The following MRPL57 variants were observed in gnomAD, a reference collection of about 807,000 sequenced individuals.
MRPL57 encodes mitochondrial ribosomal protein L57.
MRPL57 carries 1 observed loss-of-function variant against 1.3 expected under a neutral mutation model. The observed-to-expected ratio is 0.79, with a 90% CI of 0.28 to 3.75. The LOEUF (loss-of-function observed/expected upper bound fraction) is 3.75. Among genes scored for constraint, MRPL57 ranks in the 30% most tolerant of loss-of-function variants. The probability of loss-of-function intolerance (pLI) is 0.19; values close to 1 mark genes in which losing one functional copy is unlikely to be tolerated. For synonymous variants in MRPL57, 79 were observed against 61.7 expected (o/e 1.28, Z -1.31); for missense variants, 170 against 148.9 (o/e 1.14, Z -0.74).
rs771961974 is a variant in MRPL57, at chr13:21,177,105, C to G, written c.189C>G (p.Ala63=). The G allele has an allele frequency of 1.2e-6, 2 of 1,613,912 alleles. No individual in the cohort carries two copies. The highest frequency in any genetic ancestry group is 1.7e-6 in the Non-Finnish European group (2 of 1,180,036). ...YMTREQERGH[A]AVRRREAFEA... is the part of the protein sequence containing the mutation. ...CCCGGGAGCAGGAGCGCGGCCACGC[C>G]GCGGTGCGCAGGAGGGAGGCCTTCG... is the stretch of plus-strand genomic sequence containing the variant. Residue 63 remains alanine (A), a synonymous_variant, in exon 2 of 2, where the codon GCC becomes GCG. Transcript: ENST00000309594.
In MRPL57 at chr13:21,178,744, A is replaced by T. The variant is rs1417850309; in HGVS notation, c.*1519A>T. The T allele has an allele frequency of 6.5e-6, 1 of 152,732 alleles. No individual in the cohort carries two copies. Among genetic ancestry groups the T allele is most frequent in the East Asian group, 1.9e-4 (1 of 5,178 alleles). 9.5% of individuals were successfully genotyped at this position (152,732 alleles called of 1,614,324 possible). A position where few individuals can be genotyped will look rare whatever the true frequency, so the allele number is the denominator to read the frequency against. On this transcript the variant is annotated 3_prime_UTR_variant, in exon 2 of 2. Transcript: ENST00000309594. ...GCCAAGGTGGGCGGATCACAAGGTCAGGAGTTCGAGACCAGCCTGGCCAAT... is the reference window on the plus strand; with the variant it reads ...GCCAAGGTGGGCGGATCACAAGGTCTGGAGTTCGAGACCAGCCTGGCCAAT...
rs968484587 is a variant in MRPL57 at position 21,177,328 on chromosome 13, C to T, written c.*103C>T. The T allele has an allele frequency of 8.1e-7, 1 of 1,229,070 alleles. No homozygotes were observed. The highest frequency in any genetic ancestry group is 1.2e-6 in the Non-Finnish European group (1 of 869,086). 76.1% of individuals were successfully genotyped at this position (1,229,070 alleles called of 1,614,324 possible). On this transcript the variant is annotated 3_prime_UTR_variant, in exon 2 of 2. Coordinates refer to ENST00000309594, the MANE Select transcript of MRPL57 (RefSeq NM_024026.5). ...GCTTGTGTGAAAATGAGCCTTTGGA[C>T]CAGTCTTTATTAAAACAAACAAACA...
chr13:21,178,694 G>A lies in MRPL57; in HGVS notation c.*1469G>A, dbSNP rs1186211238. 3.9e-5 allele frequency: 6 copies of A among 152,798 alleles called. No individual in the cohort carries two copies. The highest frequency in any genetic ancestry group is 1.2e-4 in the African/African-American group (5 of 41,404). The allele number at this position is 152,798 out of a possible 1,614,324, so 9.5% of individuals were successfully genotyped here. On this transcript the variant is annotated 3_prime_UTR_variant, in exon 2 of 2. Coordinates refer to ENST00000309594, the MANE Select transcript of MRPL57 (RefSeq NM_024026.5). ...AAATTAGCCGGGCGTGGTGGCTTAC[G>A]CCTGTAATCCCAGCACTTTGGGAGG...
chr13:21,177,182 C>G lies in MRPL57; in HGVS notation c.266C>G (p.Ala89Gly). The G allele has an allele frequency of 6.2e-7, 1 of 1,614,114 alleles. No individual in the cohort carries two copies. The highest frequency in any genetic ancestry group is 8.5e-7 in the Non-Finnish European group (1 of 1,180,036). Residue 89 changes from alanine to glycine, a missense_variant, in exon 2 of 2, where the codon GCG becomes GGG. Ala to Gly is a moderately conservative substitution (Grantham distance 60, BLOSUM62 0). Transcript: ENST00000309594. ...AAGTTCCCCCCGCATAGATTCATTG[C>G]GGACCAGCTCGACCATCTCAATGTC... ...TSKFPPHRFIADQLDHLNVTK... is the reference protein window; with the variant it reads ...TSKFPPHRFIGDQLDHLNVTK...
At position 21,178,539 on chromosome 13, in the gene MRPL57, AG is replaced by A. The variant is rs1871709072; in HGVS notation, c.*1316del. On this transcript the variant is annotated 3_prime_UTR_variant, in exon 2 of 2. Coordinates refer to ENST00000309594, the MANE Select transcript of MRPL57 (RefSeq NM_024026.5). ...GAACTTTGTCAAAGTTGTATGGCTGAGGCCCACACGGTGGCTCACTTCTGTA... is the reference window on the plus strand; with the variant it reads ...GAACTTTGTCAAAGTTGTATGGCTGAGCCCACACGGTGGCTCACTTCTGTA... 1 of 166,686 alleles carries A rather than the reference AG, an allele frequency of 6.0e-6. No homozygotes were observed. Among genetic ancestry groups the A allele is most frequent in the East Asian group, 1.9e-4 (1 of 5,138 alleles). The allele number at this position is 166,686 out of a possible 1,614,324, so 10.3% of individuals were successfully genotyped here.
At position 21,177,494 on chromosome 13, in the gene MRPL57, T is replaced by TA; in HGVS notation, c.*272dup. On this transcript the variant is annotated 3_prime_UTR_variant, in exon 2 of 2. Coordinates refer to ENST00000309594, the MANE Select transcript of MRPL57 (RefSeq NM_024026.5). ...ATGATATTTTGAAGGAAAGCTGCAA[T>TA]AAAGCCACAATGATTTGAGGTCTTT... 1 of 494,638 alleles carries TA rather than the reference T, an allele frequency of 2.0e-6. No individual in the cohort carries two copies. Among genetic ancestry groups the TA allele is most frequent in the Non-Finnish European group, 3.7e-6 (1 of 272,286 alleles). 30.6% of individuals were successfully genotyped at this position (494,638 alleles called of 1,614,324 possible). A position where few individuals can be genotyped will look rare whatever the true frequency, so the allele number is the denominator to read the frequency against.
chr13:21,177,867 G>A lies in MRPL57; in HGVS notation c.*642G>A. 1 of 161,540 alleles carries A rather than the reference G, an allele frequency of 6.2e-6. No individual in the cohort carries two copies. The allele number at this position is 161,540 out of a possible 1,614,324, so 10.0% of individuals were successfully genotyped here. A position where few individuals can be genotyped will look rare whatever the true frequency, so the allele number is the denominator to read the frequency against. ...GCTTGCAATCCCAGCTACTTGGGACGCTGAGGTGGGAGGATCGCCTGAACC... is the reference window on the plus strand; with the variant it reads ...GCTTGCAATCCCAGCTACTTGGGACACTGAGGTGGGAGGATCGCCTGAACC... On this transcript the variant is annotated 3_prime_UTR_variant, in exon 2 of 2. Transcript: ENST00000309594.
Position 21,177,005 on chromosome 13 carries a change from G to C in MRPL57, c.89G>C (p.Arg30Pro). 6 of 1,612,710 alleles carry C rather than the reference G, an allele frequency of 3.7e-6. No individual in the cohort carries two copies. The highest frequency in any genetic ancestry group is 5.1e-6 in the Non-Finnish European group (6 of 1,179,956). The change falls in exon 2 of 2, where the codon CGC (arginine) becomes CCC (proline). Residue 30 changes from arginine to proline, a missense_variant. Transcript: ENST00000309594. The part of the protein sequence containing the change: ...KHRRPRFVSL[R>P]AKQNMIRRLE... ...CGGCGGCCGCGGTTCGTGTCGTTGC[G>C]CGCCAAGCAGAACATGATCCGCCGC... is the stretch of plus-strand genomic sequence containing the variant.
In MRPL57 at chr13:21,177,586, C is replaced by G; in HGVS notation, c.*361C>G. 1 of 234,850 alleles carries G rather than the reference C, an allele frequency of 4.3e-6. No individual in the cohort carries two copies. The highest frequency in any genetic ancestry group is 8.9e-6 in the Non-Finnish European group (1 of 112,898). 14.5% of individuals were successfully genotyped at this position (234,850 alleles called of 1,614,324 possible). The stretch of plus-strand genomic sequence containing the variant: ...ATTAGTTTGCTTACCTTAAGAATTG[C>G]CCAAAAATGAAAGAAAATATGAGCT... On this transcript the variant is annotated 3_prime_UTR_variant, in exon 2 of 2. Coordinates refer to ENST00000309594, the MANE Select transcript of MRPL57 (RefSeq NM_024026.5).
chr13:21,176,681 C>T lies in MRPL57; in HGVS notation c.-42C>T, dbSNP rs1044136288. The T allele has an allele frequency of 4.5e-6, 3 of 665,956 alleles. No homozygotes were observed. Among genetic ancestry groups the T allele is most frequent in the East Asian group, 3.0e-5 (1 of 33,196 alleles). The allele number at this position is 665,956 out of a possible 1,614,324, so 41.3% of individuals were successfully genotyped here. A position where few individuals can be genotyped will look rare whatever the true frequency, so the allele number is the denominator to read the frequency against. Reference sequence around the variant, plus strand: ...GCGCTTACGCCACGGCGTCTGCTGGCGGCCGCGGAGACGCAGAGTCTTGAG... The same window carrying T: ...GCGCTTACGCCACGGCGTCTGCTGGTGGCCGCGGAGACGCAGAGTCTTGAG... On this transcript the variant is annotated 5_prime_UTR_variant, in exon 1 of 2. Transcript: ENST00000309594.
rs547217473 is a variant in MRPL57 at position 21,177,106 on chromosome 13, G to T, written c.190G>T (p.Ala64Ser). Residue 64 changes from alanine to serine, a missense_variant, in exon 2 of 2, where the codon GCG becomes TCG. Physicochemically the swap from Ala to Ser is moderately conservative, Grantham distance 99. Transcript: ENST00000309594. ...MTREQERGHA[A>S]VRRREAFEAI... Reference sequence around the variant, plus strand: ...CCGGGAGCAGGAGCGCGGCCACGCCGCGGTGCGCAGGAGGGAGGCCTTCGA... The same window carrying T: ...CCGGGAGCAGGAGCGCGGCCACGCCTCGGTGCGCAGGAGGGAGGCCTTCGA... The T allele has an allele frequency of 6.2e-7, 1 of 1,613,904 alleles. No individual in the cohort carries two copies. Among genetic ancestry groups the T allele is most frequent in the African/African-American group, 1.3e-5 (1 of 75,062 alleles).
rs1438801356 is a variant in MRPL57 at position 21,177,180 on chromosome 13, T to G, written c.264T>G (p.Ile88Met). The G allele has an allele frequency of 6.2e-7, 1 of 1,614,040 alleles. No homozygotes were observed. Among genetic ancestry groups the G allele is most frequent in the African/African-American group, 1.3e-5 (1 of 74,948 alleles). The change falls in exon 2 of 2, where the codon ATT becomes ATG. Residue 88 changes from isoleucine (I) to methionine (M), a missense_variant. Coordinates refer to ENST00000309594, the MANE Select transcript of MRPL57 (RefSeq NM_024026.5). ...CCAAGTTCCCCCCGCATAGATTCAT[T>G]GCGGACCAGCTCGACCATCTCAATG... ...ATSKFPPHRF[I>M]ADQLDHLNVT...
rs930327844 is a variant in MRPL57 at position 21,177,534 on chromosome 13, T to C, written c.*309T>C. The C allele has an allele frequency of 2.4e-5, 9 of 379,862 alleles. No individual in the cohort carries two copies. The highest frequency in any genetic ancestry group is 1.5e-4 in the African/African-American group (7 of 46,416). The allele number at this position is 379,862 out of a possible 1,614,324, so 23.5% of individuals were successfully genotyped here. A position where few individuals can be genotyped will look rare whatever the true frequency, so the allele number is the denominator to read the frequency against. On this transcript the variant is annotated 3_prime_UTR_variant, in exon 2 of 2. Coordinates refer to ENST00000309594, the MANE Select transcript of MRPL57 (RefSeq NM_024026.5). Reference sequence around the variant, plus strand: ...TTGAGGTCTTTGCTTAAGTATGAGATACTTGATGGGGGCTTTATCATGCAA... The same window carrying C: ...TTGAGGTCTTTGCTTAAGTATGAGACACTTGATGGGGGCTTTATCATGCAA...
Position 21,177,321 on chromosome 13 carries a change from C to T in MRPL57, c.*96C>T. ...AACTGTAGCTTGTGTGAAAATGAGCCTTTGGACCAGTCTTTATTAAAACAA... is the reference window on the plus strand; with the variant it reads ...AACTGTAGCTTGTGTGAAAATGAGCTTTTGGACCAGTCTTTATTAAAACAA... On this transcript the variant is annotated 3_prime_UTR_variant, in exon 2 of 2. Transcript: ENST00000309594. 3.1e-6 allele frequency: 4 copies of T among 1,293,650 alleles called. No individual in the cohort carries two copies. The highest frequency in any genetic ancestry group is 4.3e-6 in the Non-Finnish European group (4 of 923,828). 80.1% of individuals were successfully genotyped at this position (1,293,650 alleles called of 1,614,324 possible). A position where few individuals can be genotyped will look rare whatever the true frequency, so the allele number is the denominator to read the frequency against.
chr13:21,177,420 C>T lies in MRPL57; in HGVS notation c.*195C>T, dbSNP rs1486656429. On this transcript the variant is annotated 3_prime_UTR_variant, in exon 2 of 2. Transcript: ENST00000309594. ...AATACTTAAAAGTCTAATTGCTGTC[C>T]TGTGGTTTCATTAGTCTGATAGGAA... is the stretch of plus-strand genomic sequence containing the variant. 9.7e-6 allele frequency: 6 copies of T among 621,754 alleles called. No individual in the cohort carries two copies. The highest frequency in any genetic ancestry group is 1.7e-5 in the Non-Finnish European group (6 of 351,670). 38.5% of individuals were successfully genotyped at this position (621,754 alleles called of 1,614,324 possible).
rs202210527 is a variant in MRPL57 at position 21,176,909 on chromosome 13, C to G, written c.-5-3C>G. On this transcript the variant is annotated splice_polypyrimidine_tract_variant and splice_region_variant and intron_variant, in intron 1 of 1. Transcript: ENST00000309594. ...CCGCAAAGCCCGTCCCTCTCTTCCG[C>G]AGGCACCATGTTCCTGACTGCGCTC... is the stretch of plus-strand genomic sequence containing the variant. 627 of 1,603,530 alleles carry G rather than the reference C, an allele frequency of 3.9e-4. 3 individuals are homozygous for G. The African/African-American group carries it at 7.0e-3, about 18-fold the overall frequency.
In MRPL57 at chr13:21,176,735, T is replaced by C. The variant is rs1321552359; in HGVS notation, c.-6+18T>C. On this transcript the variant is annotated intron_variant, in intron 1 of 1. Transcript: ENST00000309594. The stretch of plus-strand genomic sequence containing the variant: ...CGCGGCAGGTGAGTAGCTGTGCGAA[T>C]TCGGTTCTCTAGGGAGCTCCTTCTT... 1 of 698,260 alleles carries C rather than the reference T, an allele frequency of 1.4e-6. No individual in the cohort carries two copies. The highest frequency in any genetic ancestry group is 1.9e-5 in the South Asian group (1 of 51,636). 43.3% of individuals were successfully genotyped at this position (698,260 alleles called of 1,614,324 possible).
Position 21,177,383 on chromosome 13 carries a change from C to G in MRPL57, c.*158C>G, listed in dbSNP as rs898735433. ...TAGTCTGCATATCGAATATCTAGAG[C>G]TCTAAACCCCCAATACTTAAAAGTC... On this transcript the variant is annotated 3_prime_UTR_variant, in exon 2 of 2. Coordinates refer to ENST00000309594, the MANE Select transcript of MRPL57 (RefSeq NM_024026.5). 8.1e-6 allele frequency: 5 copies of G among 614,854 alleles called. No individual in the cohort carries two copies. The African/African-American group carries it at 1.7e-4, about 21-fold the overall frequency. The allele number at this position is 614,854 out of a possible 1,614,324, so 38.1% of individuals were successfully genotyped here.
rs753920856 is a variant in MRPL57, at chr13:21,176,695, C to A, written c.-28C>A. The A allele has an allele frequency of 5.7e-5, 38 of 661,092 alleles. No homozygotes were observed. The highest frequency in any genetic ancestry group is 9.4e-5 in the Non-Finnish European group (38 of 404,752). 41.0% of individuals were successfully genotyped at this position (661,092 alleles called of 1,614,324 possible). On this transcript the variant is annotated 5_prime_UTR_variant, in exon 1 of 2. Transcript: ENST00000309594. ...GCGTCTGCTGGCGGCCGCGGAGACG[C>A]AGAGTCTTGAGCAGCGCGGCAGGTG...
Sources: gnomAD v4.1 joint callset for allele counts on GRCh38, gnomAD v4.1.1 for gene constraint, MANE v1.5 for transcripts, NCBI Gene and HGNC (gene_info 2026-07-23, HGNC 2026-07-21) for gene names.